The following XPR1 variants were observed in gnomAD, a reference collection of about 807,000 sequenced individuals.
The protein encoded by XPR1 is solute carrier family 53 member 1.
XPR1 carries 28 observed loss-of-function variants against 87.5 expected under a neutral mutation model. The ratio of observed to expected loss-of-function variants is 0.32; its 90% CI spans 0.24 to 0.44. XPR1 has a LOEUF of 0.44. Ranked by LOEUF, XPR1 falls within the 20% of genes least tolerant of loss-of-function variation. The pLI, the probability that XPR1 is intolerant of heterozygous loss-of-function variation, is 1.00. For missense variants in XPR1, 559 were observed against 862.3 expected (o/e 0.65, Z 4.41); for synonymous variants, 300 against 306.1 (o/e 0.98, Z 0.21).
chr1:180,709,524 C>G (rs997407505), intron 2 of XPR1, among the ~76,000 whole-genome samples: 9 of 152,220 alleles, frequency 5.9e-5, no homozygotes, highest in Non-Finnish European at 1.2e-4. Context: ...TTTACATTTT[C>G]TAAAGTTTTA....
At chr1:180,664,719 A>G (rs912261295) in intron 1 of XPR1, among the ~76,000 whole-genome samples, 1 of 152,152 alleles carries the variant, frequency 6.6e-6, no homozygotes, top group Non-Finnish European at 1.5e-5. Context: ...GGTCCTGCCT[A>G]AGAGTTGCAG....
chr1:180,653,438 A>C (rs891259267), intron 1 of XPR1, among the ~76,000 whole-genome samples: 1 of 152,194 alleles, frequency 6.6e-6, no homozygotes, highest in African/African-American at 2.4e-5. Context: ...TGGCACTTCA[A>C]ATTAGTGGGC....
At chr1:180,800,942 G>A (rs1238962348) in intron 3 of XPR1, among the ~76,000 whole-genome samples, 1 of 152,084 alleles carries the variant, frequency 6.6e-6, no homozygotes, top group Non-Finnish European at 1.5e-5. Context: ...TCAAGTATTT[G>A]GCCACCAGAC....
intron 1 of XPR1, among the ~76,000 whole-genome samples, chr1:180,662,248 A>G (rs977840204): frequency 6.6e-6 from 1 of 152,146 alleles, no homozygotes; most frequent in Admixed American, 6.5e-5. Flanking sequence ...CATTTCTTAC[A>G]GAACAGTTCT....
intron 11 of XPR1, among the ~76,000 whole-genome samples, chr1:180,848,325 C>T (rs1651756934): frequency 1.3e-5 from 2 of 152,166 alleles, no homozygotes; most frequent in Non-Finnish European, 2.9e-5. Context: ...CTCCCCTATG[C>T]TTCCCAGCTT....
At chr1:180,772,243 C>T (rs1290144648) in intron 2 of XPR1, among the ~76,000 whole-genome samples, 1 of 152,070 alleles carries the variant, frequency 6.6e-6, no homozygotes, top group East Asian at 1.9e-4. Flanking sequence ...TCATTTTGAT[C>T]TGCCACCATT....
rs1329391424 is a variant in XPR1 at position 180,889,235 on chromosome 1, A to AT, written c.*5170dup. The AT allele has an allele frequency of 1.3e-5, 2 of 152,206 alleles. No individual in the cohort carries two copies. The highest frequency in any genetic ancestry group is 3.8e-4 in the East Asian group (2 of 5,200). The allele number at this position is 152,206 out of a possible 1,614,324, so 9.4% of individuals were successfully genotyped here. A position where few individuals can be genotyped will look rare whatever the true frequency, so the allele number is the denominator to read the frequency against. ...ATCAAAGCCACCCTCAGTTTTTTGT[A>AT]TGGTGCCATCAACCTAAGGAGGACA... On this transcript the variant is annotated 3_prime_UTR_variant, in exon 15 of 15. Transcript: ENST00000367590.
At chr1:180,732,085 C>T (rs1189147218) in intron 2 of XPR1, among the ~76,000 whole-genome samples, 2 of 151,000 alleles carry the variant, frequency 1.3e-5, no homozygotes, top group Non-Finnish European at 2.9e-5. Flanking sequence ...CCCAGCTACT[C>T]GGGAGCCTGA....
intron 2 of XPR1, among the ~76,000 whole-genome samples, chr1:180,784,899 T>C (rs538530242): frequency 6.6e-5 from 10 of 152,088 alleles, no homozygotes; most frequent in Admixed American, 4.6e-4. Context: ...TACCAAGTCT[T>C]TTGAAATCTG....
intron 12 of XPR1, among the ~76,000 whole-genome samples, chr1:180,866,796 TA>T (rs1385210219): frequency 2.0e-3 from 270 of 132,972 alleles, no homozygotes; most frequent in African/African-American, 7.3e-3. Context: ...CATATTAGTT[TA>T]TTTTTTTTTT....
At chr1:180,649,007 AT>A (rs1182649071) in intron 1 of XPR1, among the ~76,000 whole-genome samples, 1 of 152,158 alleles carries the variant, frequency 6.6e-6, no homozygotes, top group Non-Finnish European at 1.5e-5. Flanking sequence ...GTTCCTGAAA[AT>A]TACATTGCAT....
intron 2 of XPR1, among the ~76,000 whole-genome samples, chr1:180,728,835 T>C (rs1171884026): frequency 6.6e-6 from 1 of 152,234 alleles, no homozygotes; most frequent in East Asian, 1.9e-4. Context: ...ACAATAATTG[T>C]TAAATTAATT....
chr1:180,730,175 C>T (rs1209218069), intron 2 of XPR1, among the ~76,000 whole-genome samples: 1 of 152,114 alleles, frequency 6.6e-6, no homozygotes, highest in African/African-American at 2.4e-5. Flanking sequence ...TTTTTGTCAA[C>T]TTTGTCAAAG....
chr1:180,762,725 C>T (rs1428964834), intron 2 of XPR1, among the ~76,000 whole-genome samples: 3 of 152,186 alleles, frequency 2.0e-5, no homozygotes, highest in African/African-American at 7.2e-5. Flanking sequence ...TGAAACATTA[C>T]TGTTTGGTGT....
intron 2 of XPR1, among the ~76,000 whole-genome samples, chr1:180,773,388 A>G (rs1648594842): frequency 1.3e-5 from 2 of 152,216 alleles, no homozygotes; most frequent in Admixed American, 6.5e-5. Context: ...GAAGAGAAGT[A>G]GCACTGACTC....
At chr1:180,698,793 C>T (rs1246028265) in intron 2 of XPR1, among the ~76,000 whole-genome samples, 1 of 152,112 alleles carries the variant, frequency 6.6e-6, no homozygotes, top group African/African-American at 2.4e-5. Context: ...GTATTCTTGG[C>T]TGGCAGGTTT....
chr1:180,780,726 C>T (rs138258124), intron 2 of XPR1, among the ~76,000 whole-genome samples: 11 of 149,756 alleles, frequency 7.3e-5, no homozygotes, highest in African/African-American at 2.5e-4. Flanking sequence ...AGAGATCGTG[C>T]CACTGCACTC....
chr1:180,766,524 A>C (rs1435688152), intron 2 of XPR1, among the ~76,000 whole-genome samples: 1 of 152,206 alleles, frequency 6.6e-6, no homozygotes, highest in African/African-American at 2.4e-5. Flanking sequence ...GAAGAAATAT[A>C]ATTTCAAAAA....
rs530892000 is a variant in XPR1 at position 180,738,785 on chromosome 1, CTTTTG to C, written c.122-48965_122-48961del. ...TGCTTATATATTCTAGATACAAGTC[CTTTTG>C]TTGATTTTGTGACTTGCAAACATTT... On this transcript the variant is annotated intron_variant, in intron 2 of 14. Transcript: ENST00000367590. 1.2e-3 allele frequency among the ~76,000 whole-genome samples: 176 copies of C among 152,108 alleles called. 1 individual carries two copies. Among genetic ancestry groups the C allele is most frequent in the Non-Finnish European group, 2.0e-3 (136 of 67,988 alleles).
Sources: allele counts gnomAD v4.1 joint callset (sites outside exome capture counted in the v4.1 genomes callset), GRCh38; gene constraint gnomAD v4.1.1; transcripts MANE v1.5; gene names NCBI Gene and HGNC (gene_info 2026-07-23, HGNC 2026-07-21).